MRTFB: variants seen among roughly 807,000 people sequenced by gnomAD.
The protein encoded by MRTFB is myocardin related transcription factor B, also known as myocardin-related transcription factor B.
Under a neutral mutation model 104.2 loss-of-function variants are expected in MRTFB, and 29 were observed. The observed-to-expected ratio is 0.28, with a 90% CI of 0.21 to 0.38. The LOEUF is 0.38. MRTFB is among the 10% of genes least tolerant of loss of function. The pLI is 1.00. For missense variants in MRTFB, 1,270 were observed against 1,341.6 expected (o/e 0.95, Z 0.83); for synonymous variants, 535 against 519.5 (o/e 1.03, Z -0.41).
the MRTFB span, among the ~76,000 whole-genome samples, chr16:14,050,592 A>C: frequency 1.3e-5 from 2 of 152,154 alleles, no homozygotes; most frequent in African/African-American, 4.8e-5. Flanking sequence ...CATCTCTAAA[A>C]ATTAAATTTA....
chr16:14,183,486 T>C (rs2151019004), intron 3 of MRTFB, among the ~76,000 whole-genome samples: 1 of 152,308 alleles, frequency 6.6e-6, no homozygotes, highest in East Asian at 1.9e-4. Flanking sequence ...ATATCAATGT[T>C]AACTTGTTTC....
chr16:14,216,900 G>A (rs940792912), intron 6 of MRTFB, among the ~76,000 whole-genome samples: 3 of 152,214 alleles, frequency 2.0e-5, no homozygotes, highest in Admixed American at 6.5e-5. Context: ...GTTAATTTGA[G>A]TCTGTGGGCA....
At chr16:14,053,696 C>T in the MRTFB span, among the ~76,000 whole-genome samples, 4 of 149,704 alleles carry the variant, frequency 2.7e-5, no homozygotes, top group African/African-American at 9.9e-5. Flanking sequence ...CACCACTGCA[C>T]TCCAGCCTGA....
At chr16:14,060,440 G>A in the MRTFB span, among the ~76,000 whole-genome samples, 1 of 152,128 alleles carries the variant, frequency 6.6e-6, no homozygotes, top group Non-Finnish European at 1.5e-5. Flanking sequence ...AGTTCATAAA[G>A]CTCTCATATA....
At chr16:14,002,529 T>A in the MRTFB span, among the ~76,000 whole-genome samples, 1 of 152,212 alleles carries the variant, frequency 6.6e-6, no homozygotes, top group Admixed American at 6.5e-5. Flanking sequence ...CTGCGTTGAA[T>A]GCTGGAGGGG....
chr16:14,167,854 A>G (rs1597135465), intron 3 of MRTFB, among the ~76,000 whole-genome samples: 1 of 151,928 alleles, frequency 6.6e-6, no homozygotes, highest in East Asian at 1.9e-4. Flanking sequence ...CGCCCGGCTA[A>G]TTTTTTGTAT....
At chr16:14,028,223 A>ACAAAACAAAACAAAC in the MRTFB span, among the ~76,000 whole-genome samples, 1 of 152,016 alleles carries the variant, frequency 6.6e-6, no homozygotes, top group East Asian at 1.9e-4. Flanking sequence ...ACAAAACAAA[A>ACAAAACAAAACAAAC]CAAACCAAGT....
chr16:14,257,951 T>C (rs1466208716), intron 15 of MRTFB, 150 bp from the exon 16 acceptor site: 2 of 637,488 alleles, frequency 3.1e-6, no homozygotes, highest in Non-Finnish European at 5.4e-6. Context: ...CTTGGGTAAA[T>C]GGCTTAACTT....
intron 1 of MRTFB, among the ~76,000 whole-genome samples, chr16:14,074,574 C>A (rs1235806300): frequency 6.6e-6 from 1 of 152,062 alleles, no homozygotes; most frequent in East Asian, 1.9e-4. Flanking sequence ...TTAAAATTAG[C>A]ATGTGGTTGG....
At chr16:14,199,779 G>C (rs2040600948) in intron 3 of MRTFB, among the ~76,000 whole-genome samples, 1 of 152,170 alleles carries the variant, frequency 6.6e-6, no homozygotes, top group Non-Finnish European at 1.5e-5. Context: ...ATAAATGTTT[G>C]GTTTCAAGAG....
intron 3 of MRTFB, among the ~76,000 whole-genome samples, chr16:14,204,995 A>G (rs565286167): frequency 1.6e-4 from 25 of 152,344 alleles, no homozygotes; most frequent in African/African-American, 5.8e-4. Flanking sequence ...TATTTAGTAA[A>G]CTATGCCATA....
intron 3 of MRTFB, among the ~76,000 whole-genome samples, chr16:14,207,401 T>G (rs993700468): frequency 1.3e-5 from 2 of 152,236 alleles, no homozygotes; most frequent in Non-Finnish European, 2.9e-5. Flanking sequence ...GAAATGTATA[T>G]GTGTTCTTTG....
chr16:14,001,184 T>C, the MRTFB span, among the ~76,000 whole-genome samples: 8 of 152,238 alleles, frequency 5.3e-5, no homozygotes, highest in Non-Finnish European at 7.3e-5. Context: ...ACCGAAACAC[T>C]GATCCTCACT....
chr16:14,226,637 C>G (rs1251389620), intron 8 of MRTFB, among the ~76,000 whole-genome samples: 1 of 151,982 alleles, frequency 6.6e-6, no homozygotes, highest in East Asian at 1.9e-4. Context: ...GATATGACAC[C>G]AAGGCAGCAA....
intron 2 of MRTFB, among the ~76,000 whole-genome samples, chr16:14,121,111 C>G (rs890019012): frequency 2.6e-5 from 4 of 151,916 alleles, no homozygotes; most frequent in African/African-American, 9.7e-5. Flanking sequence ...CTCTTTAAAA[C>G]TGGTTATTGT....
intron 3 of MRTFB, among the ~76,000 whole-genome samples, chr16:14,158,246 T>C (rs2038899022): frequency 6.6e-6 from 1 of 152,252 alleles, no homozygotes; most frequent in South Asian, 2.1e-4. Context: ...TGTTAGATTT[T>C]TCCATGTGTT....
chr16:14,100,638 A>C (rs1324915987), intron 2 of MRTFB, among the ~76,000 whole-genome samples: 1 of 152,266 alleles, frequency 6.6e-6, no homozygotes, highest in African/African-American at 2.4e-5. Context: ...GAAAGAATTT[A>C]GATAGAATTG....
At chr16:14,181,195 TA>T (rs869236106) in intron 3 of MRTFB, among the ~76,000 whole-genome samples, 16 of 151,804 alleles carry the variant, frequency 1.1e-4, no homozygotes, top group African/African-American at 3.1e-4. Context: ...TTTGTTTAAA[TA>T]AAAAAAAATT....
the MRTFB span, among the ~76,000 whole-genome samples, chr16:14,042,451 G>A: frequency 3.3e-5 from 5 of 152,134 alleles, no homozygotes; most frequent in Non-Finnish European, 7.3e-5. Flanking sequence ...GTTTTTGATA[G>A]TGGCCATTCA....
Sources: gnomAD v4.1 joint callset for allele counts (sites outside exome capture counted in the v4.1 genomes callset) on GRCh38, gnomAD v4.1.1 for gene constraint, MANE v1.5 for transcripts, NCBI Gene and HGNC (gene_info 2026-07-23, HGNC 2026-07-21) for gene names.